The following XPO7 variants were observed in gnomAD, a reference collection of about 807,000 sequenced individuals.
The protein encoded by XPO7 is exportin-7.
Under a neutral mutation model 144.3 loss-of-function variants are expected in XPO7, and 21 were observed. That is an observed-to-expected ratio of 0.15 (90% confidence interval 0.10 to 0.21). The LOEUF is 0.21. Among genes scored for constraint, XPO7 ranks in the 10% least tolerant of loss-of-function variants. The pLI is 1.00. For synonymous variants in XPO7, 580 were observed against 499.6 expected (o/e 1.16, Z -2.15); for missense variants, 808 against 1,325.8 (o/e 0.61, Z 6.06).
chr8:21,986,169 G>A (rs893521328), intron 13 of XPO7, among the ~76,000 whole-genome samples: 26 of 135,730 alleles, frequency 1.9e-4, no homozygotes, highest in Admixed American at 6.5e-4. Flanking sequence ...ATGGAGTCTC[G>A]CTCTGTCACC....
chr8:21,976,827 TTGTTTA>T (rs1308639630), intron 7 of XPO7, among the ~76,000 whole-genome samples: 1 of 152,100 alleles, frequency 6.6e-6, no homozygotes, highest in East Asian at 1.9e-4. Flanking sequence ...CTAATTTTGT[TTGTTTA>T]TGTTTTGTAG....
intron 1 of XPO7, among the ~76,000 whole-genome samples, chr8:21,943,022 G>A (rs1288767196): frequency 1.3e-5 from 2 of 152,066 alleles, no homozygotes; most frequent in African/African-American, 2.4e-5. Context: ...TTGTACCTTT[G>A]GTGCACAGTT....
chr8:21,982,576 G>A (rs1812442117), intron 10 of XPO7, 64 bp from the exon 11 acceptor site: 1 of 1,483,090 alleles, frequency 6.7e-7, no homozygotes, highest in Non-Finnish European at 9.0e-7. Context: ...TTCTGTGTCA[G>A]TGGCATGGGA....
chr8:21,936,218 T>C (rs1402240095), intron 1 of XPO7, among the ~76,000 whole-genome samples: 1 of 152,180 alleles, frequency 6.6e-6, no homozygotes, highest in East Asian at 1.9e-4. Flanking sequence ...TTTTTTAAGA[T>C]CAGCACCCTC....
chr8:21,996,630 A>T (rs986631328), intron 21 of XPO7, among the ~76,000 whole-genome samples: 1 of 152,180 alleles, frequency 6.6e-6, no homozygotes. Context: ...TTGTGGCAGG[A>T]TCAATAAAAA....
chr8:21,922,051 T>G lies in XPO7; in HGVS notation c.18+2263T>G, dbSNP rs373273572. Among the ~76,000 whole-genome samples, 44 of 152,310 alleles carry G rather than the reference T, an allele frequency of 2.9e-4. 3 individuals carry two copies. Among genetic ancestry groups the G allele is most frequent in the Admixed American group, 2.0e-3 (31 of 15,296 alleles). On this transcript the variant is annotated intron_variant, in intron 1 of 27. Coordinates refer to ENST00000252512, the MANE Select transcript of XPO7 (RefSeq NM_015024.5). ...TGAGGGGAGGGTGGCGGGGATATTT[T>G]TCTTATAACACTAATCAAACGTGAA...
Position 21,982,697 on chromosome 8 carries a change from G to T in XPO7, c.1162G>T (p.Ala388Ser). 3.7e-6 allele frequency: 6 copies of T among 1,612,714 alleles called. No homozygotes were observed. Among genetic ancestry groups the T allele is most frequent in the Non-Finnish European group, 5.1e-6 (6 of 1,179,500 alleles). Residue 388 changes from alanine to serine, a missense_variant, in exon 11 of 28, where the codon GCA becomes TCA. Ala to Ser is a moderately conservative substitution (Grantham distance 99, BLOSUM62 1). This residue lies in a region of XPO7 where 26 missense variants were observed against 85.8 expected (regional missense o/e 0.30). Transcript: ENST00000252512. Reference protein sequence around the residue: ...HYLLSLWQRLAASVPYVKATE... With the variant: ...HYLLSLWQRLSASVPYVKATE... ...TCTTCTGAGCCTGTGGCAGCGGCTG[G>T]CAGCCTCTGTGCCGTATGTCAAAGC...
chr8:21,949,621 G>A (rs1246964086), intron 1 of XPO7, among the ~76,000 whole-genome samples: 4 of 152,214 alleles, frequency 2.6e-5, no homozygotes, highest in Non-Finnish European at 4.4e-5. Flanking sequence ...TAAAGGCCAC[G>A]TGGTTCATGA....
chr8:21,942,188 G>T (rs1011686720), intron 1 of XPO7, among the ~76,000 whole-genome samples: 3 of 152,138 alleles, frequency 2.0e-5, no homozygotes, highest in Non-Finnish European at 4.4e-5. Context: ...GTTTAAAGTG[G>T]TGCAGGACTC....
intron 1 of XPO7, among the ~76,000 whole-genome samples, chr8:21,930,873 G>A (rs1398085295): frequency 6.6e-5 from 10 of 152,140 alleles, no homozygotes; most frequent in Admixed American, 4.6e-4. Flanking sequence ...AGATACTGTT[G>A]CCCAAGCTAG....
chr8:21,986,443 G>A (rs1264634235), intron 13 of XPO7, among the ~76,000 whole-genome samples: 4 of 152,068 alleles, frequency 2.6e-5, no homozygotes, highest in Admixed American at 6.5e-5. Flanking sequence ...ATGAGCCACC[G>A]CGCCCCGCCT....
At chr8:21,927,360 CCATA>C (rs538994325) in intron 1 of XPO7, among the ~76,000 whole-genome samples, 191 of 152,170 alleles carry the variant, frequency 1.3e-3, no homozygotes, top group African/African-American at 4.6e-3. Flanking sequence ...TAGCCACACT[CCATA>C]CAGGGAGAGC....
intron 24 of XPO7, among the ~76,000 whole-genome samples, chr8:22,001,561 A>G (rs1435510078): frequency 6.6e-6 from 1 of 152,216 alleles, no homozygotes; most frequent in Admixed American, 6.5e-5. Context: ...CTAACAAACC[A>G]TAAACATTCA....
intron 7 of XPO7, 30 bp from the exon 8 acceptor site, chr8:21,977,740 A>G (rs1158743963): frequency 6.2e-7 from 1 of 1,609,156 alleles, no homozygotes; most frequent in Non-Finnish European, 8.5e-7. Flanking sequence ...TACTTAATAA[A>G]GTGATGTCTT....
intron 1 of XPO7, among the ~76,000 whole-genome samples, chr8:21,950,012 A>G (rs1811317602): frequency 6.6e-6 from 1 of 152,220 alleles, no homozygotes; most frequent in South Asian, 2.1e-4. Context: ...GGTGTGACAC[A>G]CCGTACTGGG....
At chr8:21,936,686 T>A (rs984363762) in intron 1 of XPO7, among the ~76,000 whole-genome samples, 1 of 152,236 alleles carries the variant, frequency 6.6e-6, no homozygotes, top group African/African-American at 2.4e-5. Flanking sequence ...TACTAAAGAC[T>A]CTTAGGAGTT....
chr8:21,968,910 C>T (rs6557712), intron 2 of XPO7, among the ~76,000 whole-genome samples: 87,407 of 152,082 alleles, frequency 0.57, 25,876 homozygotes, highest in African/African-American at 0.73. Context: ...GCATAATTCT[C>T]CTTTCTCACA....
chr8:21,978,987 A>G (rs1193548189), intron 8 of XPO7, among the ~76,000 whole-genome samples: 1 of 152,240 alleles, frequency 6.6e-6, no homozygotes, highest in Non-Finnish European at 1.5e-5. Context: ...AAGCAGATCT[A>G]GAGGGGGCAA....
chr8:21,969,603 T>G, intron 3 of XPO7, 27 bp downstream of exon 3: 1 of 1,586,372 alleles, frequency 6.3e-7, no homozygotes, highest in Non-Finnish European at 8.6e-7. Flanking sequence ...CTGTTCTGTC[T>G]TGAAGAAAAT....
Sources: gnomAD v4.1 joint callset for allele counts (sites outside exome capture counted in the v4.1 genomes callset) on GRCh38, gnomAD v4.1.1 for gene constraint, gnomAD v4.1.1 regional missense constraint, MANE v1.5 for transcripts, NCBI Gene and HGNC (gene_info 2026-07-23, HGNC 2026-07-21) for gene names.